The following PCSK2 variants were observed in gnomAD, a reference collection of about 807,000 sequenced individuals.
The protein encoded by PCSK2 is proprotein convertase subtilisin/kexin type 2, also known as neuroendocrine convertase 2.
PCSK2 carries 14 observed loss-of-function variants against 69.7 expected under a neutral mutation model. That is an observed-to-expected ratio of 0.20 (90% CI 0.13 to 0.31). The LOEUF (loss-of-function observed/expected upper bound fraction) is 0.31. PCSK2 is among the 10% of genes least tolerant of loss of function. The probability of loss-of-function intolerance (pLI) is 1.00; values close to 1 mark genes in which losing one functional copy is unlikely to be tolerated. For synonymous variants in PCSK2, 307 were observed against 320.7 expected (o/e 0.96, Z 0.46); for missense variants, 544 against 842.5 (o/e 0.65, Z 4.39).
intron 6 of PCSK2, 57 bp from the exon 7 acceptor site, chr20:17,429,378 A>G: frequency 7.9e-7 from 1 of 1,263,078 alleles, no homozygotes; most frequent in Non-Finnish European, 1.2e-6. Flanking sequence ...AGCCCATGAG[A>G]GATCTAGCCA....
Position 17,481,906 on chromosome 20 carries a change from A to G in PCSK2, c.1753A>G (p.Lys585Glu), listed in dbSNP as rs1162978758. Residue 585 changes from lysine to glutamate, a missense_variant, in exon 12 of 12, where the codon AAG (lysine) becomes GAG (glutamate). By Grantham distance (56) the Lys-to-Glu change is moderately conservative. This residue lies in a region of PCSK2 where 200 missense variants were observed against 287.8 expected (regional missense o/e 0.69). Transcript: ENST00000262545. ...VGSAPQKGVL[K>E]EWTLMLHGTQ... ...CAGCGCCCCGCAGAAGGGGGTGCTG[A>G]AGGAGTGGACCCTGATGCTGCATGG... 3 of 1,613,902 alleles carry G rather than the reference A, an allele frequency of 1.9e-6. No homozygotes were observed. Among genetic ancestry groups the G allele is most frequent in the Non-Finnish European group, 2.5e-6 (3 of 1,180,000 alleles).
chr20:17,301,959 T>C (rs144982395), intron 2 of PCSK2, among the ~76,000 whole-genome samples: 3,069 of 152,050 alleles, frequency 0.02, 99 homozygotes, highest in African/African-American at 0.069. Flanking sequence ...TATATTTTTT[T>C]CTCCTCTTCA....
At chr20:17,360,446 C>T in intron 3 of PCSK2, 86 bp from the exon 4 acceptor site, 2 of 762,878 alleles carry the variant, frequency 2.6e-6, no homozygotes, top group Non-Finnish European at 4.4e-6. Context: ...TATTAGATGG[C>T]TATAGAGTAT....
At position 17,484,457 on chromosome 20, in the gene PCSK2, G is replaced by C. The variant is rs866114562; in HGVS notation, c.*2387G>C. 1 of 152,426 alleles carries C rather than the reference G, an allele frequency of 6.6e-6. No homozygotes were observed. The highest frequency in any genetic ancestry group is 1.5e-5 in the Non-Finnish European group (1 of 67,970). 9.4% of individuals were successfully genotyped at this position (152,426 alleles called of 1,614,324 possible). A position where few individuals can be genotyped will look rare whatever the true frequency, so the allele number is the denominator to read the frequency against. ...TTTATAGTCATTTATTTTAAAAAAT[G>C]AAAATAAGTGAATAATAATTAGGTT... On this transcript the variant is annotated 3_prime_UTR_variant, in exon 12 of 12. Transcript: ENST00000262545.
chr20:17,328,182 TAA>T (rs770213124), intron 2 of PCSK2, among the ~76,000 whole-genome samples: 11 of 152,210 alleles, frequency 7.2e-5, no homozygotes, highest in Non-Finnish European at 1.2e-4. Flanking sequence ...TTTTTAAATT[TAA>T]GTTTCATTAA....
chr20:17,399,556 A>T (rs1253099286), intron 5 of PCSK2, among the ~76,000 whole-genome samples: 1 of 152,224 alleles, frequency 6.6e-6, no homozygotes, highest in Non-Finnish European at 1.5e-5. Context: ...CCTCTGTCAG[A>T]TAAGAAGAAG....
intron 10 of PCSK2, among the ~76,000 whole-genome samples, chr20:17,457,692 G>C (rs547358486): frequency 6.6e-6 from 1 of 152,308 alleles, no homozygotes; most frequent in Admixed American, 6.5e-5. Flanking sequence ...TTCATCTCAG[G>C]GTCTGAGTGG....
intron 6 of PCSK2, among the ~76,000 whole-genome samples, chr20:17,419,477 G>A (rs1435306275): frequency 6.6e-6 from 1 of 152,178 alleles, no homozygotes; most frequent in African/African-American, 2.4e-5. Flanking sequence ...TTGTAAAAAG[G>A]TAGAAAATAC....
Position 17,343,340 on chromosome 20 carries a change from T to C in PCSK2, c.283-14987T>C, listed in dbSNP as rs182553767. 3.0e-3 allele frequency among the ~76,000 whole-genome samples: 459 copies of C among 152,352 alleles called. 5 individuals are homozygous for C. Among genetic ancestry groups the C allele is most frequent in the Middle Eastern group, 0.024 (7 of 294 alleles). On this transcript the variant is annotated intron_variant, in intron 2 of 11. Transcript: ENST00000262545. ...ATTGGATGGTTTTAGTAGCTTCAAT[T>C]TGACTCATCTAAGAAAACAGTATAA...
chr20:17,405,772 G>T (rs924968691), intron 5 of PCSK2, among the ~76,000 whole-genome samples: 1 of 152,158 alleles, frequency 6.6e-6, no homozygotes. Context: ...ATATACCAGG[G>T]ATGGGTTTTT....
intron 2 of PCSK2, among the ~76,000 whole-genome samples, chr20:17,281,299 C>G (rs1009005476): frequency 6.6e-6 from 1 of 152,198 alleles, no homozygotes; most frequent in African/African-American, 2.4e-5. Context: ...CTGGAACTCC[C>G]TTTTTATCTA....
chr20:17,435,801 A>C (rs2032473564), intron 7 of PCSK2, among the ~76,000 whole-genome samples: 1 of 152,200 alleles, frequency 6.6e-6, no homozygotes, highest in Non-Finnish European at 1.5e-5. Context: ...TGACCCCGTC[A>C]GCGAAGTTTT....
chr20:17,369,425 G>C lies in PCSK2; in HGVS notation c.543+148G>C, dbSNP rs145335089. On this transcript the variant is annotated intron_variant, in intron 5 of 11. Transcript: ENST00000262545. ...ACACACACACACACACAGGAGTACA[G>C]CTGCTGGAACATATGCACGCACACA... 1.9e-3 allele frequency: 1,388 copies of C among 718,064 alleles called. 14 individuals are homozygous for C. The African/African-American group carries it at 0.021, about 11-fold the overall frequency. 44.5% of individuals were successfully genotyped at this position (718,064 alleles called of 1,614,324 possible).
At chr20:17,289,977 G>C (rs1354510001) in intron 2 of PCSK2, among the ~76,000 whole-genome samples, 1 of 152,184 alleles carries the variant, frequency 6.6e-6, no homozygotes, top group African/African-American at 2.4e-5. Context: ...TAGAATTGGT[G>C]CATTCATCAG....
chr20:17,432,919 A>G (rs1029508247), intron 7 of PCSK2, among the ~76,000 whole-genome samples: 1 of 152,228 alleles, frequency 6.6e-6, no homozygotes, highest in Non-Finnish European at 1.5e-5. Context: ...CAAATAAAAA[A>G]AAATCAGATA....
At chr20:17,387,772 C>T (rs1015644945) in intron 5 of PCSK2, among the ~76,000 whole-genome samples, 6 of 152,128 alleles carry the variant, frequency 3.9e-5, no homozygotes, top group African/African-American at 1.2e-4. Flanking sequence ...AACTGGGAGG[C>T]GGGGACAAGT....
At chr20:17,290,604 G>C (rs1988665076) in intron 2 of PCSK2, among the ~76,000 whole-genome samples, 1 of 152,150 alleles carries the variant, frequency 6.6e-6, no homozygotes, top group South Asian at 2.1e-4. Context: ...AGAGACAGTA[G>C]CACCTAGTTC....
At chr20:17,431,430 G>A (rs1235426171) in intron 7 of PCSK2, among the ~76,000 whole-genome samples, 1 of 152,220 alleles carries the variant, frequency 6.6e-6, no homozygotes, top group Non-Finnish European at 1.5e-5. Context: ...GGTGGGTGCA[G>A]CAGCCTCTGC....
intron 6 of PCSK2, among the ~76,000 whole-genome samples, chr20:17,424,588 G>A (rs562828943): frequency 6.6e-6 from 1 of 152,050 alleles, no homozygotes; most frequent in Non-Finnish European, 1.5e-5. Flanking sequence ...CGCCTCTCTG[G>A]TTCATGCGAT....
Sources: gnomAD v4.1 joint callset for allele counts (sites outside exome capture counted in the v4.1 genomes callset) on GRCh38, gnomAD v4.1.1 for gene constraint, gnomAD v4.1.1 regional missense constraint, MANE v1.5 for transcripts, NCBI Gene and HGNC (gene_info 2026-07-23, HGNC 2026-07-21) for gene names.